LRRC49: variants seen among roughly 807,000 people sequenced by gnomAD.
LRRC49 encodes the protein leucine-rich repeat-containing protein 49.
Under a neutral mutation model 83.3 loss-of-function variants are expected in LRRC49, and 50 were observed. The observed-to-expected ratio is 0.60, with a 90% CI of 0.48 to 0.76. The LOEUF is 0.76. Ranked by LOEUF, LRRC49 falls within the 30% of genes least tolerant of loss-of-function variation. LRRC49 has a pLI of 0.00. For synonymous variants in LRRC49, 286 were observed against 283.3 expected, an observed-to-expected ratio of 1.01 and a Z score of -0.10; for missense variants, 704 against 809.1, an observed-to-expected ratio of 0.87 and a Z score of 1.58.
chr15:70,911,416 C>A, intron 5 of LRRC49, 116 bp from the exon 6 acceptor site: 1 of 504,236 alleles, frequency 2.0e-6, no homozygotes, highest in Non-Finnish European at 3.6e-6. Flanking sequence ...ATATATATAA[C>A]TATATATGTA....
At chr15:70,854,378 G>C (rs2032596017) in intron 1 of LRRC49, among the ~76,000 whole-genome samples, 1 of 152,134 alleles carries the variant, frequency 6.6e-6, no homozygotes, top group Non-Finnish European at 1.5e-5. Flanking sequence ...CGCGACCCCC[G>C]ATCACTCCCT....
chr15:70,980,073 A>G (rs768283445), intron 9 of LRRC49, 28 bp from the exon 10 acceptor site: 2 of 1,486,250 alleles, frequency 1.3e-6, no homozygotes, highest in Non-Finnish European at 1.9e-6. Context: ...TAAACTCTTC[A>G]TAATACTTTT....
chr15:70,865,613 G>A (rs2032893066), intron 1 of LRRC49, among the ~76,000 whole-genome samples: 1 of 152,124 alleles, frequency 6.6e-6, no homozygotes, highest in African/African-American at 2.4e-5. Flanking sequence ...TGTTATTGTT[G>A]CTTCATGACA....
intron 7 of LRRC49, among the ~76,000 whole-genome samples, chr15:70,930,419 TTTG>T (rs138700478): frequency 0.2 from 30,332 of 152,114 alleles, 3,223 homozygotes; most frequent in Middle Eastern, 0.33. Flanking sequence ...AGCATACAAC[TTTG>T]TTGTTCTGTT....
At chr15:70,897,823 CT>C (rs1226494647) in intron 3 of LRRC49, among the ~76,000 whole-genome samples, 4 of 152,128 alleles carry the variant, frequency 2.6e-5, no homozygotes, top group East Asian at 1.9e-4. Context: ...GAGTTAACCC[CT>C]GTCTTTGAGA....
chr15:70,872,917 C>A, exon 2 of LRRC49: 2 of 207,614 alleles, frequency 9.6e-6, no homozygotes, highest in Non-Finnish European at 1.9e-5. Context: ...GATGGAGTCT[C>A]ACTCTGTCGC....
chr15:70,862,703 G>A (rs1216610354), intron 1 of LRRC49, among the ~76,000 whole-genome samples: 1 of 151,848 alleles, frequency 6.6e-6, no homozygotes, highest in African/African-American at 2.4e-5. Flanking sequence ...CCAACATGCA[G>A]CAAAATTCAA....
chr15:70,894,056 G>A (rs1399772384), intron 2 of LRRC49, among the ~76,000 whole-genome samples: 1 of 151,812 alleles, frequency 6.6e-6, no homozygotes, highest in Non-Finnish European at 1.5e-5. Flanking sequence ...CACCACGCCC[G>A]GCTAATATTT....
chr15:71,015,760 C>T (rs1233244352), intron 14 of LRRC49, among the ~76,000 whole-genome samples: 3 of 152,178 alleles, frequency 2.0e-5, no homozygotes, highest in Non-Finnish European at 4.4e-5. Context: ...TGTAAATGCA[C>T]ATACCTTTAC....
At chr15:70,874,142 C>T (rs897184046) in intron 2 of LRRC49, among the ~76,000 whole-genome samples, 15 of 152,096 alleles carry the variant, frequency 9.9e-5, no homozygotes, top group African/African-American at 2.7e-4. Flanking sequence ...AGACTCTGAT[C>T]GGAACTGCAA....
upstream of LRRC49, among the ~76,000 whole-genome samples, chr15:70,891,573 G>C (rs1293726484): frequency 3.2e-5 from 1 of 31,214 alleles, no homozygotes; most frequent in African/African-American, 2.1e-4. Flanking sequence ...GACTCTGTGT[G>C]TGTGTGTGTG....
intron 14 of LRRC49, among the ~76,000 whole-genome samples, chr15:71,026,044 C>A (rs958152872): frequency 4.6e-5 from 7 of 152,088 alleles, no homozygotes; most frequent in Admixed American, 2.6e-4. Context: ...ACAGGTATTT[C>A]TCCTAATGTT....
rs145858681 is a variant in LRRC49 at position 70,995,049 on chromosome 15, C to T, written c.1169+10792C>T. 6.2e-3 allele frequency among the ~76,000 whole-genome samples: 936 copies of T among 152,060 alleles called. 9 individuals carry two copies. The highest frequency in any genetic ancestry group is 8.6e-3 in the African/African-American group (358 of 41,468). On this transcript the variant is annotated intron_variant, in intron 11 of 15. Transcript: ENST00000260382. ...TGGTTGAGTGAGTTTATTCCAAGAT[C>T]GCAGAGTAGCTAAGTATAACAGAAG...
chr15:70,892,401 T>C (rs2033619496), upstream of LRRC49: 1 of 1,541,670 alleles, frequency 6.5e-7, no homozygotes, highest in Non-Finnish European at 8.7e-7. Context: ...GATTGTTTCC[T>C]TCCCTACCTC....
chr15:70,872,883 C>CTTTT (rs781035902), intron 1 of LRRC49: 7 of 166,140 alleles, frequency 4.2e-5, no homozygotes, highest in African/African-American at 5.4e-5. Context: ...CTTGACATAA[C>CTTTT]TTTTTTTTTT....
intron 7 of LRRC49, among the ~76,000 whole-genome samples, chr15:70,935,889 C>T (rs986257539): frequency 1.3e-5 from 2 of 152,028 alleles, no homozygotes; most frequent in Non-Finnish European, 2.9e-5. Context: ...GTAGTAACCT[C>T]GATTGGTCAC....
At chr15:71,003,575 C>T (rs1343146521) in intron 11 of LRRC49, among the ~76,000 whole-genome samples, 1 of 152,122 alleles carries the variant, frequency 6.6e-6, no homozygotes, top group African/African-American at 2.4e-5. Flanking sequence ...CTAAGTCTTA[C>T]TTTTATTTAT....
chr15:70,930,422 G>C (rs551683966), intron 7 of LRRC49, among the ~76,000 whole-genome samples: 2 of 97,828 alleles, frequency 2.0e-5, no homozygotes, highest in Non-Finnish European at 4.5e-5. Flanking sequence ...ATACAACTTT[G>C]TTGTTCTGTT....
rs748724167 is a variant in LRRC49 at position 71,008,399 on chromosome 15, A to G, written c.1190A>G (p.Asn397Ser). 45 of 1,612,462 alleles carry G rather than the reference A, an allele frequency of 2.8e-5. No individual in the cohort carries two copies. Among genetic ancestry groups the G allele is most frequent in the Non-Finnish European group, 3.6e-5 (43 of 1,178,912 alleles). Residue 397 changes from asparagine (N) to serine (S), a missense_variant, in exon 12 of 16, where the codon AAC becomes AGC. This residue lies in a region of LRRC49 where 168 missense variants were observed against 140.6 expected (regional missense o/e 1.20). Transcript: ENST00000260382. ...EETGPLDSGLNNALQGLSVID... is the reference protein window; with the variant it reads ...EETGPLDSGLSNALQGLSVID... ...TCCAGGCCTCTAGACTCAGGACTCA[A>G]CAATGCTTTACAAGGTTTATCTGTC...
Sources: gnomAD v4.1 joint callset for allele counts (sites outside exome capture counted in the v4.1 genomes callset) on GRCh38, gnomAD v4.1.1 for gene constraint, gnomAD v4.1.1 regional missense constraint, MANE v1.5 for transcripts, NCBI Gene and HGNC (gene_info 2026-07-23, HGNC 2026-07-21) for gene names.